The following NCAM2 variants were observed in gnomAD, a reference collection of about 807,000 sequenced individuals.
NCAM2 encodes neural cell adhesion molecule 2.
In NCAM2, 30 loss-of-function variants were observed where a neutral mutation model predicts 98.1. The ratio of observed to expected loss-of-function variants is 0.31; its 90% CI spans 0.23 to 0.41. NCAM2 has a LOEUF of 0.41. Ranked by LOEUF, NCAM2 falls within the 10% of genes least tolerant of loss-of-function variation. The pLI, the probability that NCAM2 is intolerant of heterozygous loss-of-function variation, is 1.00. For missense variants in NCAM2, 867 were observed against 1,005.8 expected (o/e 0.86, Z 1.87); for synonymous variants, 368 against 342.4 (o/e 1.07, Z -0.83).
intron 1 of NCAM2, among the ~76,000 whole-genome samples, chr21:21,090,505 T>G (rs1305356825): frequency 6.6e-6 from 1 of 152,216 alleles, no homozygotes; most frequent in Non-Finnish European, 1.5e-5. Context: ...TTGCCATCAG[T>G]AGATATATCT....
intron 8 of NCAM2, among the ~76,000 whole-genome samples, chr21:21,347,060 A>T (rs111375554): frequency 0.023 from 3,485 of 152,124 alleles, 113 homozygotes; most frequent in African/African-American, 0.08. Context: ...ATTAAAAAAT[A>T]CAAAAGGCCA....
chr21:21,000,766 TC>T (rs1026142962), intron 1 of NCAM2, among the ~76,000 whole-genome samples: 1 of 152,196 alleles, frequency 6.6e-6, no homozygotes, highest in African/African-American at 2.4e-5. Context: ...ATGCCATGTG[TC>T]CTGATGAAGT....
At chr21:21,274,696 T>G (rs1310075452) in intron 1 of NCAM2, among the ~76,000 whole-genome samples, 1 of 152,170 alleles carries the variant, frequency 6.6e-6, no homozygotes, top group Non-Finnish European at 1.5e-5. Flanking sequence ...AATATCTTAG[T>G]CTTTTAACAC....
At chr21:21,087,160 T>C (rs1330317848) in intron 1 of NCAM2, among the ~76,000 whole-genome samples, 1 of 152,082 alleles carries the variant, frequency 6.6e-6, no homozygotes, top group East Asian at 1.9e-4. Context: ...AAAAGAAATG[T>C]CAGTTTGTAA....
intron 1 of NCAM2, among the ~76,000 whole-genome samples, chr21:21,144,368 C>T (rs2067230224): frequency 6.6e-6 from 1 of 150,482 alleles, no homozygotes; most frequent in Non-Finnish European, 1.5e-5. Context: ...AAAAAATCAA[C>T]ATTTCAAATT....
intron 5 of NCAM2, among the ~76,000 whole-genome samples, chr21:21,297,263 A>T (rs1489583986): frequency 1.3e-5 from 2 of 151,784 alleles, no homozygotes; most frequent in Non-Finnish European, 2.9e-5. Flanking sequence ...AATTTGAGAG[A>T]AATCCTGCTA....
chr21:21,342,358 G>A (rs2075066023), intron 8 of NCAM2, among the ~76,000 whole-genome samples: 1 of 152,198 alleles, frequency 6.6e-6, no homozygotes, highest in Non-Finnish European at 1.5e-5. Flanking sequence ...TGTATCAGAT[G>A]TTGCTACTAA....
chr21:21,062,629 G>A (rs953482880), intron 1 of NCAM2, among the ~76,000 whole-genome samples: 1 of 152,146 alleles, frequency 6.6e-6, no homozygotes, highest in Non-Finnish European at 1.5e-5. Context: ...TGTTTAAGCC[G>A]CCTAGTTTGT....
intron 1 of NCAM2, among the ~76,000 whole-genome samples, chr21:21,103,650 G>T (rs1485490384): frequency 1.3e-5 from 2 of 152,018 alleles, no homozygotes; most frequent in South Asian, 2.1e-4. Flanking sequence ...TGCTCAGTTT[G>T]TTGGTTATGT....
At chr21:21,291,543 C>T (rs776372559) in intron 4 of NCAM2, among the ~76,000 whole-genome samples, 20 of 151,472 alleles carry the variant, frequency 1.3e-4, no homozygotes, top group Non-Finnish European at 2.5e-4. Context: ...TCTATTTATT[C>T]CTAATACAGA....
At chr21:21,068,297 T>C (rs1433483788) in intron 1 of NCAM2, among the ~76,000 whole-genome samples, 1 of 151,660 alleles carries the variant, frequency 6.6e-6, no homozygotes, top group Non-Finnish European at 1.5e-5. Context: ...CGTGCCTGGC[T>C]AATTTTTTGT....
At chr21:21,499,302 C>T (rs1199504813) in intron 15 of NCAM2, among the ~76,000 whole-genome samples, 1 of 152,116 alleles carries the variant, frequency 6.6e-6, no homozygotes, top group Non-Finnish European at 1.5e-5. Context: ...AGTGCAGTGG[C>T]GTGATCTCGG....
At chr21:21,025,054 T>A (rs1414305751) in intron 1 of NCAM2, among the ~76,000 whole-genome samples, 1 of 152,162 alleles carries the variant, frequency 6.6e-6, no homozygotes, top group African/African-American at 2.4e-5. Context: ...GGTCTTTTAT[T>A]ACAAAGGAAA....
chr21:21,266,152 A>G (rs1297052194), intron 1 of NCAM2, among the ~76,000 whole-genome samples: 7 of 152,132 alleles, frequency 4.6e-5, no homozygotes, highest in Non-Finnish European at 1.0e-4. Context: ...AAACCCTTTC[A>G]AAAATATGAG....
chr21:21,502,055 T>A (rs1987671518), intron 15 of NCAM2, among the ~76,000 whole-genome samples: 1 of 151,816 alleles, frequency 6.6e-6, no homozygotes, highest in Non-Finnish European at 1.5e-5. Flanking sequence ...GCGAGAAAAA[T>A]TTTGCCTAGT....
intron 12 of NCAM2, among the ~76,000 whole-genome samples, chr21:21,445,651 T>TACAAC (rs1312966384): frequency 6.6e-6 from 1 of 152,158 alleles, no homozygotes; most frequent in African/African-American, 2.4e-5. Context: ...AGACTAGGAT[T>TACAAC]ACAACTCCTG....
chr21:21,173,736 T>C (rs1007469467), intron 1 of NCAM2, among the ~76,000 whole-genome samples: 4 of 152,158 alleles, frequency 2.6e-5, no homozygotes, highest in African/African-American at 9.7e-5. Context: ...ACGATTAGCA[T>C]GCTTAGATAA....
At chr21:21,399,370 A>G (rs2076580817) in intron 9 of NCAM2, among the ~76,000 whole-genome samples, 1 of 152,136 alleles carries the variant, frequency 6.6e-6, no homozygotes. Context: ...TCTTTCTGTT[A>G]TTTGTAGTTC....
intron 5 of NCAM2, among the ~76,000 whole-genome samples, chr21:21,303,012 A>C (rs1375875526): frequency 6.6e-6 from 1 of 152,100 alleles, no homozygotes; most frequent in Non-Finnish European, 1.5e-5. Context: ...GAAAACCAAT[A>C]CCACATATTT....
Sources: gnomAD v4.1 joint callset for allele counts (sites outside exome capture counted in the v4.1 genomes callset) on GRCh38, gnomAD v4.1.1 for gene constraint, MANE v1.5 for transcripts, NCBI Gene and HGNC (gene_info 2026-07-23, HGNC 2026-07-21) for gene names.